The following PREP variants were observed in gnomAD, a reference collection of about 807,000 sequenced individuals.
PREP encodes prolyl endopeptidase.
Under a neutral mutation model 87.6 loss-of-function variants are expected in PREP, and 29 were observed. The observed-to-expected ratio is 0.33, with a 90% CI of 0.25 to 0.45. The LOEUF is 0.45. PREP is among the 20% of genes least tolerant of loss of function. PREP has a pLI of 1.00. For synonymous variants in PREP, 337 were observed against 328.6 expected, an observed-to-expected ratio of 1.03 and a Z score of -0.28; for missense variants, 695 against 886.5, an observed-to-expected ratio of 0.78 and a Z score of 2.74.
chr6:105,338,471 G>A (rs1442213024), intron 7 of PREP, among the ~76,000 whole-genome samples: 1 of 152,252 alleles, frequency 6.6e-6, no homozygotes, highest in African/African-American at 2.4e-5. Context: ...AGCTCCCAGT[G>A]TGAGTGACAC....
intron 11 of PREP, among the ~76,000 whole-genome samples, chr6:105,288,381 G>A (rs998423754): frequency 3.9e-5 from 6 of 152,150 alleles, no homozygotes; most frequent in Non-Finnish European, 7.3e-5. Context: ...ATGGAGTTTC[G>A]TTCTTGTTGC....
rs948342687 is a variant in PREP, at chr6:105,278,544, G to GT, written c.1839-107dup. On this transcript the variant is annotated intron_variant, in intron 14 of 14. Transcript: ENST00000652536. This position sits in a 1 kb window ranked among gnomAD's most constrained non-coding sequence, Gnocchi z 4.2. ...AGTGAGGACTGCAGTTAACTAGTACGTGAGTGACCACCATGGACTGTGCCT... is the reference window on the plus strand; with the variant it reads ...AGTGAGGACTGCAGTTAACTAGTACGTTGAGTGACCACCATGGACTGTGCCT... 1 of 1,161,678 alleles carries GT rather than the reference G, an allele frequency of 8.6e-7. No individual in the cohort carries two copies. The highest frequency in any genetic ancestry group is 2.2e-5 in the Admixed American group (1 of 45,308). 72.0% of individuals were successfully genotyped at this position (1,161,678 alleles called of 1,614,324 possible).
chr6:105,309,597 A>C (rs1189032773), intron 10 of PREP, among the ~76,000 whole-genome samples: 5 of 151,010 alleles, frequency 3.3e-5, no homozygotes, highest in African/African-American at 1.2e-4. Flanking sequence ...TTCTTTTTTT[A>C]TTTTTTAGTT....
At chr6:105,332,342 G>A (rs892500889) in intron 8 of PREP, among the ~76,000 whole-genome samples, 1 of 152,082 alleles carries the variant, frequency 6.6e-6, no homozygotes, top group Non-Finnish European at 1.5e-5. Flanking sequence ...GGCACAGAAA[G>A]CATACCACCT....
intron 10 of PREP, among the ~76,000 whole-genome samples, chr6:105,318,490 A>G (rs961310687): frequency 1.3e-5 from 2 of 152,196 alleles, no homozygotes; most frequent in African/African-American, 4.8e-5. Context: ...AAACAGACTT[A>G]TCTTCCAGAG....
At chr6:105,314,657 T>C (rs1770824466) in intron 10 of PREP, among the ~76,000 whole-genome samples, 2 of 152,222 alleles carry the variant, frequency 1.3e-5, no homozygotes, top group African/African-American at 4.8e-5. Context: ...TCTTGCTATT[T>C]CCACATCTGC....
At chr6:105,294,033 T>G (rs1770356160) in intron 10 of PREP, among the ~76,000 whole-genome samples, 1 of 152,196 alleles carries the variant, frequency 6.6e-6, no homozygotes, top group Admixed American at 6.5e-5. Context: ...CCTTTCTCAT[T>G]GTCCTGAATT....
intron 10 of PREP, chr6:105,322,854 A>G: frequency 1.7e-6 from 2 of 1,161,968 alleles, no homozygotes; most frequent in Non-Finnish European, 2.2e-6. Flanking sequence ...AGGGTAATTC[A>G]CCAAGCTATA....
chr6:105,349,898 T>TAAAAAAAAAAAAAAAAA (rs1162063177), intron 7 of PREP, among the ~76,000 whole-genome samples: 4 of 59,444 alleles, frequency 6.7e-5, no homozygotes, highest in African/African-American at 1.6e-4. Context: ...GGGAAGCAGG[T>TAAAAAAAAAAAAAAAAA]AAAAAAAAAA....
intron 7 of PREP, among the ~76,000 whole-genome samples, chr6:105,337,618 C>G (rs1771514670): frequency 6.6e-6 from 1 of 152,188 alleles, no homozygotes; most frequent in African/African-American, 2.4e-5. Context: ...TCCTATCCCC[C>G]TTTTCCTCTT....
intron 6 of PREP, among the ~76,000 whole-genome samples, chr6:105,356,322 CAA>C (rs1375282290): frequency 5.3e-5 from 8 of 152,184 alleles, no homozygotes; most frequent in African/African-American, 7.2e-5. Flanking sequence ...TGGGTGTTCA[CAA>C]AGTCTTTCCC....
chr6:105,307,969 T>C (rs1271484034), intron 10 of PREP, among the ~76,000 whole-genome samples: 6 of 152,224 alleles, frequency 3.9e-5, no homozygotes, highest in African/African-American at 1.2e-4. Context: ...TTCCTTTTTA[T>C]TTAAATTAGG....
At position 105,402,850 on chromosome 6, in the gene PREP, G is replaced by C. The variant is rs773363406; in HGVS notation, c.42C>G (p.Thr14=). 6.5e-7 allele frequency: 1 copy of C among 1,545,430 alleles called. No individual in the cohort carries two copies. The highest frequency in any genetic ancestry group is 2.4e-5 in the East Asian group (1 of 41,690). The change falls in exon 1 of 15, where the codon ACC becomes ACG. Residue 14 remains threonine, a synonymous_variant. Transcript: ENST00000652536. ...LQYPDVYRDE[T]AVQDYHGHKI... is the part of the protein sequence containing the mutation. ...GGGCGGAGGCAGAGATACTTACGGCGGTCTCGTCGCGGTACACGTCGGGGT... is the reference window on the plus strand; with the variant it reads ...GGGCGGAGGCAGAGATACTTACGGCCGTCTCGTCGCGGTACACGTCGGGGT...
chr6:105,324,705 A>C (rs185664650), intron 9 of PREP, among the ~76,000 whole-genome samples: 13 of 152,358 alleles, frequency 8.5e-5, no homozygotes, highest in Non-Finnish European at 1.5e-4. Context: ...AGCACATTTA[A>C]ATGGAATAAT....
At chr6:105,283,098 G>A (rs1432928005) in intron 12 of PREP, among the ~76,000 whole-genome samples, 2 of 152,244 alleles carry the variant, frequency 1.3e-5, no homozygotes, top group African/African-American at 4.8e-5. Flanking sequence ...GCAGGAGTCT[G>A]ACATGGTCGG....
At chr6:105,376,045 GA>G in intron 4 of PREP, 79 bp downstream of exon 4, 1 of 1,493,896 alleles carries the variant, frequency 6.7e-7, no homozygotes. Flanking sequence ...TGGCATTTCA[GA>G]GGTAAAGCAA....
chr6:105,370,018 G>A (rs1224420828), intron 5 of PREP, among the ~76,000 whole-genome samples: 3 of 151,994 alleles, frequency 2.0e-5, no homozygotes, highest in Non-Finnish European at 2.9e-5. Context: ...TTGGGAGGCC[G>A]AGGCAGGTGG....
At position 105,277,070 on chromosome 6, in the gene PREP, A is replaced by C. The variant is rs1424195612; in HGVS notation, c.*1074T>G. Among the ~76,000 whole-genome samples, 1 of 152,172 alleles carries C rather than the reference A, an allele frequency of 6.6e-6. No homozygotes were observed. Among genetic ancestry groups the C allele is most frequent in the African/African-American group, 2.4e-5 (1 of 41,438 alleles). On this transcript the variant is annotated 3_prime_UTR_variant, in exon 15 of 15. Coordinates refer to ENST00000652536, the MANE Select transcript of PREP (RefSeq NM_002726.5). ...TACTCAAAGGAACATTGTTTCATGA[A>C]ATGTTAAAATATATGCCTTGAAAAA... is the stretch of plus-strand genomic sequence containing the variant.
chr6:105,336,358 T>C (rs1771478474), intron 7 of PREP, among the ~76,000 whole-genome samples: 1 of 152,200 alleles, frequency 6.6e-6, no homozygotes, highest in Admixed American at 6.5e-5. Context: ...GCCTATTAGG[T>C]TGTTAATCAG....
Sources: gnomAD v4.1 joint callset for allele counts (sites outside exome capture counted in the v4.1 genomes callset) on GRCh38, gnomAD v4.1.1 for gene constraint, Gnocchi (gnomAD v3.1) non-coding constraint, MANE v1.5 for transcripts, NCBI Gene and HGNC (gene_info 2026-07-23, HGNC 2026-07-21) for gene names.